The following DYNC2H1 variants were observed in gnomAD, a reference collection of about 807,000 sequenced individuals.
DYNC2H1 encodes cytoplasmic dynein 2 heavy chain 1.
DYNC2H1 carries 410 observed loss-of-function variants against 570.0 expected under a neutral mutation model. That is an observed-to-expected ratio of 0.72 (90% CI 0.66 to 0.78). The LOEUF is 0.78. DYNC2H1 is among the 30% of genes least tolerant of loss of function. The probability of loss-of-function intolerance (pLI) is 0.00; values close to 1 mark genes in which losing one functional copy is unlikely to be tolerated. For synonymous variants in DYNC2H1, 1,688 were observed against 1,677.6 expected (o/e 1.01, Z -0.15); for missense variants, 4,865 against 5,046.4 (o/e 0.96, Z 1.09).
At chr11:103,476,115 A>G (rs1945539070) in intron 88 of DYNC2H1, among the ~76,000 whole-genome samples, 1 of 152,204 alleles carries the variant, frequency 6.6e-6, no homozygotes, top group Non-Finnish European at 1.5e-5. Context: ...TTACCTTTTA[A>G]GATCGGCTAA....
At chr11:103,303,041 T>G (rs1867113582) in intron 75 of DYNC2H1, 52 bp from the exon 76 acceptor site, 2 of 1,292,772 alleles carry the variant, frequency 1.5e-6, no homozygotes, top group East Asian at 2.7e-5. Flanking sequence ...TTAATAAACT[T>G]TTTAATAATG....
intron 83 of DYNC2H1, among the ~76,000 whole-genome samples, chr11:103,392,948 A>G (rs1942233350): frequency 6.6e-6 from 1 of 150,620 alleles, no homozygotes; most frequent in Non-Finnish European, 1.5e-5. Flanking sequence ...CAATGGTGTG[A>G]TCTCAGCTCA....
chr11:103,320,860 AT>A, intron 80 of DYNC2H1, among the ~76,000 whole-genome samples, 168 bp from the exon 81 acceptor site: 1 of 152,246 alleles, frequency 6.6e-6, no homozygotes, highest in South Asian at 2.1e-4. Flanking sequence ...TATTTGGAAA[AT>A]TTTACTTGAT....
chr11:103,231,735 T>C (rs973613649), intron 60 of DYNC2H1, among the ~76,000 whole-genome samples: 6 of 152,006 alleles, frequency 3.9e-5, no homozygotes, highest in African/African-American at 1.4e-4. Context: ...TTTAATACAG[T>C]GTATGTTGAA....
Position 103,177,467 on chromosome 11 carries a change from C to T in DYNC2H1, c.5875-89C>T. 3 of 1,332,216 alleles carry T rather than the reference C, an allele frequency of 2.3e-6. No homozygotes were observed. Among genetic ancestry groups the T allele is most frequent in the Non-Finnish European group, 3.0e-6 (3 of 990,644 alleles). The allele number at this position is 1,332,216 out of a possible 1,614,324, so 82.5% of individuals were successfully genotyped here. On this transcript the variant is annotated intron_variant, in intron 37 of 88. Transcript: ENST00000375735. This position sits in a 1 kb window ranked among gnomAD's most constrained non-coding sequence, Gnocchi z 4.4. The stretch of plus-strand genomic sequence containing the variant: ...CTGAAGAAATCAAAGGCTTAATTTA[C>T]ACATTAGAACAAGTGTTACAGAATA...
chr11:103,354,675 CAAAA>C lies in DYNC2H1; in HGVS notation c.12040-3565_12040-3562del, dbSNP rs5794227. 2.5e-3 allele frequency among the ~76,000 whole-genome samples: 373 copies of C among 152,090 alleles called. 1 individual carries two copies. Among genetic ancestry groups the C allele is most frequent in the African/African-American group, 8.6e-3 (356 of 41,500 alleles). On this transcript the variant is annotated intron_variant, in intron 82 of 88. Coordinates refer to ENST00000375735, the MANE Select transcript of DYNC2H1 (RefSeq NM_001377.3). ...AAAAAACTCATATTTTATATTTTCT[CAAAA>C]AATAATTTTGCTAAATTTATAACAA...
intron 87 of DYNC2H1, among the ~76,000 whole-genome samples, chr11:103,457,123 A>G (rs1408625491): frequency 5.3e-5 from 8 of 152,224 alleles, no homozygotes; most frequent in Admixed American, 2.6e-4. Flanking sequence ...TGGTGCACAC[A>G]TTAGTCCTGT....
chr11:103,213,112 G>T (rs754016169), intron 54 of DYNC2H1, among the ~76,000 whole-genome samples: 1 of 152,102 alleles, frequency 6.6e-6, no homozygotes, highest in Non-Finnish European at 1.5e-5. Context: ...TCTGCTGTTT[G>T]CACAGTAGGA....
chr11:103,372,552 A>G (rs927569286), intron 83 of DYNC2H1, among the ~76,000 whole-genome samples: 3 of 152,166 alleles, frequency 2.0e-5, no homozygotes, highest in African/African-American at 7.2e-5. Context: ...ATGTTGAACC[A>G]TCCTTGCATC....
chr11:103,391,691 C>T (rs913376850), intron 83 of DYNC2H1, among the ~76,000 whole-genome samples: 1 of 152,178 alleles, frequency 6.6e-6, no homozygotes, highest in Non-Finnish European at 1.5e-5. Flanking sequence ...GATGTCCCTT[C>T]TGTTTGTTAG....
At chr11:103,127,749 G>A (rs1859071562) in intron 12 of DYNC2H1, among the ~76,000 whole-genome samples, 1 of 152,120 alleles carries the variant, frequency 6.6e-6, no homozygotes, top group Non-Finnish European at 1.5e-5. Context: ...TTCCTTGTAG[G>A]ATCTGTATTT....
chr11:103,219,441 G>A (rs1020159391), intron 55 of DYNC2H1, among the ~76,000 whole-genome samples: 3 of 152,016 alleles, frequency 2.0e-5, no homozygotes, highest in Admixed American at 1.3e-4. Context: ...GCGAAACCCC[G>A]TCTCTACTAA....
intron 78 of DYNC2H1, among the ~76,000 whole-genome samples, chr11:103,309,450 C>A (rs967052488): frequency 6.6e-6 from 1 of 150,610 alleles, no homozygotes; most frequent in Non-Finnish European, 1.5e-5. Context: ...CTTGTCTTGG[C>A]TTCCCAAAAT....
chr11:103,122,327 G>T (rs1858763255), intron 10 of DYNC2H1, among the ~76,000 whole-genome samples: 1 of 152,128 alleles, frequency 6.6e-6, no homozygotes, highest in African/African-American at 2.4e-5. Context: ...GATATATTCT[G>T]CCTAATGTTT....
intron 84 of DYNC2H1, among the ~76,000 whole-genome samples, chr11:103,418,293 G>T (rs1194441892): frequency 6.6e-6 from 1 of 152,130 alleles, no homozygotes; most frequent in African/African-American, 2.4e-5. Flanking sequence ...CTACAAAAAA[G>T]ATTTAGAGCT....
At position 103,121,016 on chromosome 11, in the gene DYNC2H1, G is replaced by A. The variant is rs1324209452; in HGVS notation, c.1340G>A (p.Arg447Lys). The change falls in exon 9 of 89, where the codon AGA (arginine) becomes AAA (lysine). Residue 447 changes from arginine (R) to lysine (K), a missense_variant. By Grantham distance (26) the Arg-to-Lys change is conservative (BLOSUM62 2). This residue lies in a region of DYNC2H1 where 1,936 missense variants were observed against 1,962.1 expected (regional missense o/e 0.99). Transcript: ENST00000375735. ...TTAGAAAGAGAAACTTTACTGGCAA[G>A]ACTTGTGGACTCAATTAAAGGTAAA... is the stretch of plus-strand genomic sequence containing the variant. ...LMLERETLLA[R>K]LVDSIKDFRL... 3.2e-6 allele frequency: 5 copies of A among 1,577,688 alleles called. No individual in the cohort carries two copies. Among genetic ancestry groups the A allele is most frequent in the Non-Finnish European group, 4.3e-6 (5 of 1,162,346 alleles).
chr11:103,261,265 C>G lies in DYNC2H1; in HGVS notation c.10695+1288C>G, dbSNP rs549267024. Among the ~76,000 whole-genome samples the G allele has an allele frequency of 6.7e-6, 1 of 149,942 alleles. No individual in the cohort carries two copies. On this transcript the variant is annotated intron_variant, in intron 70 of 88. Coordinates refer to ENST00000375735, the MANE Select transcript of DYNC2H1 (RefSeq NM_001377.3). The surrounding 1 kb of genome is among the most constrained non-coding windows in gnomAD (Gnocchi z 4.8). ...GCTGGGGGGAAGGGGTGGCTGTGGGCGCAGCATCAGCAGACTTAAACATTC... is the reference window on the plus strand; with the variant it reads ...GCTGGGGGGAAGGGGTGGCTGTGGGGGCAGCATCAGCAGACTTAAACATTC...
intron 3 of DYNC2H1, among the ~76,000 whole-genome samples, chr11:103,114,868 A>G (rs573740836): frequency 6.6e-6 from 1 of 152,268 alleles, no homozygotes; most frequent in African/African-American, 2.4e-5. Context: ...TTTTTCGGTA[A>G]GGTACATTAC....
intron 84 of DYNC2H1, among the ~76,000 whole-genome samples, chr11:103,419,190 C>T (rs1943392092): frequency 6.6e-6 from 1 of 152,186 alleles, no homozygotes; most frequent in Admixed American, 6.5e-5. Context: ...ATTTGGTAGA[C>T]TTAGCCATTC....
Sources: gnomAD v4.1 joint callset for allele counts (sites outside exome capture counted in the v4.1 genomes callset) on GRCh38, gnomAD v4.1.1 for gene constraint, gnomAD v4.1.1 regional missense constraint, Gnocchi (gnomAD v3.1) non-coding constraint, MANE v1.5 for transcripts, NCBI Gene and HGNC (gene_info 2026-07-23, HGNC 2026-07-21) for gene names.